Variants in ADGRV1 observed in about 807,000 individuals in gnomAD.
ADGRV1 encodes the protein adhesion G protein-coupled receptor V1.
A neutral mutation model predicts 596.2 loss-of-function variants in ADGRV1; 359 were observed. That is an observed-to-expected ratio of 0.60 (90% CI 0.55 to 0.66). The LOEUF is 0.66. Among genes scored for constraint, ADGRV1 ranks in the 30% least tolerant of loss-of-function variants. ADGRV1 has a pLI of 0.00. For synonymous variants in ADGRV1, 2,681 were observed against 2,679.2 expected (o/e 1.00, Z -0.02); for missense variants, 7,274 against 7,575.6 (o/e 0.96, Z 1.48).
At chr5:90,965,217 G>A (rs942101366) in intron 83 of ADGRV1, among the ~76,000 whole-genome samples, 198 bp from the exon 84 acceptor site, 2 of 152,000 alleles carry the variant, frequency 1.3e-5, no homozygotes, top group East Asian at 1.9e-4. Flanking sequence ...CATATCATGC[G>A]CTGTTTCTTA....
At chr5:90,999,558 G>A (rs1473993594) in intron 85 of ADGRV1, among the ~76,000 whole-genome samples, 1 of 152,012 alleles carries the variant, frequency 6.6e-6, no homozygotes, top group Non-Finnish European at 1.5e-5. Context: ...TTGTAAAATT[G>A]CGGGTGGCAG....
At chr5:90,924,947 T>C (rs925161460) in intron 83 of ADGRV1, among the ~76,000 whole-genome samples, 2 of 151,268 alleles carry the variant, frequency 1.3e-5, no homozygotes, top group Admixed American at 6.6e-5. Flanking sequence ...GTTGTAGATA[T>C]GTGGCGTTAT....
intron 82 of ADGRV1, among the ~76,000 whole-genome samples, chr5:90,861,099 A>G (rs1267789444): frequency 6.6e-6 from 1 of 152,142 alleles, no homozygotes; most frequent in Non-Finnish European, 1.5e-5. Flanking sequence ...GCTGTTCTTT[A>G]CCAATTAGAT....
At chr5:90,813,321 G>A (rs985211219) in intron 74 of ADGRV1, among the ~76,000 whole-genome samples, 14 of 151,982 alleles carry the variant, frequency 9.2e-5, no homozygotes, top group Admixed American at 7.9e-4. Flanking sequence ...GTTCTTTGCT[G>A]TTCCAAGCCA....
Position 90,810,997 on chromosome 5 carries a change from G to A in ADGRV1, c.15737G>A (p.Arg5246Gln), listed in dbSNP as rs772037044. ...GTFNTAEVLIRRTGGFTGNVS... is the reference protein window; with the variant it reads ...GTFNTAEVLIQRTGGFTGNVS... Reference sequence around the variant, plus strand: ...TTCAACACTGCAGAAGTTCTTATCCGAAGAACTGGTGGGTTTACTGGCAAT... The same window carrying A: ...TTCAACACTGCAGAAGTTCTTATCCAAAGAACTGGTGGGTTTACTGGCAAT... Residue 5246 changes from arginine (R) to glutamine (Q), a missense_variant, in exon 74 of 90, where the codon CGA (arginine) becomes CAA (glutamine). Transcript: ENST00000405460. 7.3e-5 allele frequency: 118 copies of A among 1,613,828 alleles called. No individual in the cohort carries two copies. Among genetic ancestry groups the A allele is most frequent in the Non-Finnish European group, 9.1e-5 (107 of 1,179,876 alleles).
At chr5:90,726,088 A>G (rs28407508) in intron 48 of ADGRV1, among the ~76,000 whole-genome samples, 46,976 of 152,070 alleles carry the variant, frequency 0.31, 8,033 homozygotes, top group Admixed American at 0.49. Context: ...TTAAACTTCC[A>G]TACATGCTTC....
Position 90,805,289 on chromosome 5 carries a change from A to G in ADGRV1, c.14667A>G (p.Gly4889=), listed in dbSNP as rs1761797710. ...TAAGCATGATTTTCCCTCAGGTCGG[A>G]TTTGAATCCACTGCTTTTCAACTCA... ...VSEKAANSQV[G]FESTAFQLMN... The change falls in exon 72 of 90, where the codon GGA becomes GGG. Residue 4889 remains glycine, a synonymous_variant. Coordinates refer to ENST00000405460, the MANE Select transcript of ADGRV1 (RefSeq NM_032119.4). 15 of 1,609,922 alleles carry G rather than the reference A, an allele frequency of 9.3e-6. No homozygotes were observed. The highest frequency in any genetic ancestry group is 1.7e-5 in the Admixed American group (1 of 59,944).
At chr5:90,808,071 A>C (rs1248768970) in intron 73 of ADGRV1, among the ~76,000 whole-genome samples, 2 of 152,220 alleles carry the variant, frequency 1.3e-5, no homozygotes, top group Non-Finnish European at 2.9e-5. Flanking sequence ...CAAGTGATTA[A>C]GAGTAAGAAT....
intron 85 of ADGRV1, among the ~76,000 whole-genome samples, chr5:91,061,639 G>T (rs1787437571): frequency 6.6e-6 from 1 of 152,088 alleles, no homozygotes. Flanking sequence ...GCTGTAATGT[G>T]TCCATTTTTC....
At chr5:90,668,172 A>T (rs1266295669) in intron 21 of ADGRV1, among the ~76,000 whole-genome samples, 1 of 151,860 alleles carries the variant, frequency 6.6e-6, no homozygotes, top group Non-Finnish European at 1.5e-5. Flanking sequence ...TGTTTACCTA[A>T]GCAAGCCTGG....
At chr5:91,135,654 G>T in intron 87 of ADGRV1, among the ~76,000 whole-genome samples, 1 of 152,132 alleles carries the variant, frequency 6.6e-6, no homozygotes, top group East Asian at 1.9e-4. Context: ...GGCAATACAG[G>T]CTTTTCTGGA....
chr5:90,745,104 T>C lies in ADGRV1; in HGVS notation c.10608T>C (p.Arg3536=), dbSNP rs1363810702. 6.2e-7 allele frequency: 1 copy of C among 1,613,706 alleles called. No individual in the cohort carries two copies. The highest frequency in any genetic ancestry group is 8.5e-7 in the Non-Finnish European group (1 of 1,179,788). ...CTCTTTACTGCTGGAATTCGGAGCG[T>C]AATCAATTCTCTTTTGTTCTGGAAG... ...MSALYCWNSE[R]NQFSFVLEVP... Residue 3536 remains arginine (R), a synonymous_variant, in exon 51 of 90, where the codon CGT becomes CGC. Transcript: ENST00000405460.
At chr5:91,125,644 A>G (rs1327696087) in intron 87 of ADGRV1, among the ~76,000 whole-genome samples, 1 of 152,248 alleles carries the variant, frequency 6.6e-6, no homozygotes, top group Non-Finnish European at 1.5e-5. Context: ...CTTGCCACAC[A>G]GTAAACACTC....
At chr5:91,155,340 T>C (rs1328593465) in intron 89 of ADGRV1, among the ~76,000 whole-genome samples, 1 of 152,160 alleles carries the variant, frequency 6.6e-6, no homozygotes, top group Non-Finnish European at 1.5e-5. Context: ...AGAGGCTTAA[T>C]GGTGTGTGGC....
In ADGRV1 at chr5:90,653,764, C is replaced by A; in HGVS notation, c.4190C>A (p.Ser1397Tyr). ...IQTNESHVTL[S>Y]LHYKTLGSNA... ...ACAAACGAATCCCATGTGACACTTT[C>A]CCTTCATTATAAAACCTTGGGTTCC... The change falls in exon 20 of 90, where the codon TCC becomes TAC. Residue 1397 changes from serine (S) to tyrosine (Y), a missense_variant. Transcript: ENST00000405460. The A allele has an allele frequency of 1.9e-6, 3 of 1,613,242 alleles. No individual in the cohort carries two copies. In the Admixed American group the frequency reaches 5.0e-5, roughly 27 times the overall value.
At chr5:91,084,792 A>T (rs1199397576) in intron 86 of ADGRV1, among the ~76,000 whole-genome samples, 1 of 152,200 alleles carries the variant, frequency 6.6e-6, no homozygotes, top group Admixed American at 6.5e-5. Context: ...ATGTTTATTG[A>T]GGCACTATTC....
intron 61 of ADGRV1, among the ~76,000 whole-genome samples, chr5:90,776,849 A>G (rs1758293013): frequency 6.6e-6 from 1 of 152,092 alleles, no homozygotes; most frequent in Non-Finnish European, 1.5e-5. Flanking sequence ...GAGATCAGAA[A>G]ATCTATGTTT....
At chr5:90,763,206 A>G (rs1172113018) in intron 58 of ADGRV1, 99 bp from the exon 59 acceptor site, 2 of 1,051,470 alleles carry the variant, frequency 1.9e-6, no homozygotes, top group East Asian at 5.4e-5. Flanking sequence ...TCTAAATTAT[A>G]AAACTGCAGT....
intron 87 of ADGRV1, among the ~76,000 whole-genome samples, chr5:91,146,632 G>T (rs768149665): frequency 1.3e-5 from 2 of 152,128 alleles, no homozygotes; most frequent in Non-Finnish European, 2.9e-5. Context: ...CTTGATTAAT[G>T]CTGCCCATCC....
Sources: gnomAD v4.1 joint callset for allele counts (sites outside exome capture counted in the v4.1 genomes callset) on GRCh38, gnomAD v4.1.1 for gene constraint, MANE v1.5 for transcripts, NCBI Gene and HGNC (gene_info 2026-07-23, HGNC 2026-07-21) for gene names.